The following GRB14 variants were observed in gnomAD, a reference collection of about 807,000 sequenced individuals.
GRB14 encodes the protein growth factor receptor-bound protein 14.
A neutral mutation model predicts 69.1 loss-of-function variants in GRB14; 38 were observed. The ratio of observed to expected loss-of-function variants is 0.55; its 90% CI spans 0.42 to 0.72. The LOEUF (loss-of-function observed/expected upper bound fraction) is 0.72. Among genes scored for constraint, GRB14 ranks in the 30% least tolerant of loss-of-function variants. The pLI, the probability that GRB14 is intolerant of heterozygous loss-of-function variation, is 0.00. For missense variants in GRB14, 666 were observed against 666.1 expected (o/e 1.00, Z 0.00); for synonymous variants, 247 against 241.3 (o/e 1.02, Z -0.22).
At chr2:164,573,319 G>A (rs1425736466) in intron 2 of GRB14, among the ~76,000 whole-genome samples, 17 of 152,076 alleles carry the variant, frequency 1.1e-4, no homozygotes, top group Admixed American at 1.0e-3. Flanking sequence ...TAGTCACTCC[G>A]GTTACATAGT....
chr2:164,541,872 A>G (rs1688248326), intron 3 of GRB14, among the ~76,000 whole-genome samples: 1 of 152,008 alleles, frequency 6.6e-6, no homozygotes, highest in African/African-American at 2.4e-5. Flanking sequence ...TTCCTCCCCT[A>G]GTAGCCCCCA....
At chr2:164,586,195 T>C (rs575056105) in intron 2 of GRB14, among the ~76,000 whole-genome samples, 2 of 152,280 alleles carry the variant, frequency 1.3e-5, no homozygotes, top group Admixed American at 1.3e-4. Context: ...GGAAAGAGCA[T>C]GGGATAGATC....
intron 2 of GRB14, among the ~76,000 whole-genome samples, chr2:164,561,604 T>C (rs571649360): frequency 6.6e-6 from 1 of 152,278 alleles, no homozygotes; most frequent in East Asian, 1.9e-4. Flanking sequence ...ATGCAGTACA[T>C]GTGCCCAGGC....
intron 2 of GRB14, among the ~76,000 whole-genome samples, chr2:164,548,823 AC>A (rs1321198995): frequency 1.3e-5 from 2 of 151,952 alleles, no homozygotes; most frequent in African/African-American, 4.8e-5. Flanking sequence ...GATGTTGACC[AC>A]CTTTTCATAT....
intron 2 of GRB14, chr2:164,568,389 T>A: frequency 1.6e-6 from 2 of 1,286,482 alleles, no homozygotes; most frequent in Non-Finnish European, 2.0e-6. Flanking sequence ...CCTGCTCTTC[T>A]TAGAATGATC....
chr2:164,521,530 T>C (rs1316689187), intron 6 of GRB14, among the ~76,000 whole-genome samples: 1 of 152,064 alleles, frequency 6.6e-6, no homozygotes, highest in East Asian at 1.9e-4. Context: ...CATCAATCAA[T>C]AATAAAAGAG....
At chr2:164,598,476 GTTAAA>G (rs1200678091) in intron 2 of GRB14, among the ~76,000 whole-genome samples, 6 of 152,120 alleles carry the variant, frequency 3.9e-5, no homozygotes, top group Non-Finnish European at 2.9e-5. Flanking sequence ...ATATTTGAAT[GTTAAA>G]TTAAATGTAC....
At chr2:164,610,952 T>C (rs1003069740) in intron 2 of GRB14, among the ~76,000 whole-genome samples, 1 of 146,130 alleles carries the variant, frequency 6.8e-6, no homozygotes, top group Non-Finnish European at 1.5e-5. Flanking sequence ...GACCTTATAC[T>C]GAAATCTAGA....
intron 2 of GRB14, among the ~76,000 whole-genome samples, chr2:164,602,334 A>G (rs1418436325): frequency 6.6e-6 from 1 of 152,198 alleles, no homozygotes; most frequent in Non-Finnish European, 1.5e-5. Flanking sequence ...CTATGAACAT[A>G]TAAGGAAATG....
At chr2:164,500,831 G>A (rs1687030464) in intron 9 of GRB14, among the ~76,000 whole-genome samples, 1 of 152,046 alleles carries the variant, frequency 6.6e-6, no homozygotes. Context: ...ATCAATAGCA[G>A]CATCACCTTC....
At chr2:164,608,369 T>TA (rs567652340) in intron 2 of GRB14, among the ~76,000 whole-genome samples, 1,897 of 148,868 alleles carry the variant, frequency 0.013, 19 homozygotes, top group Middle Eastern at 0.034. Context: ...AGACTCCCTC[T>TA]AAAAAAAAAG....
chr2:164,615,092 T>C (rs1443395554), intron 2 of GRB14, among the ~76,000 whole-genome samples: 1 of 152,200 alleles, frequency 6.6e-6, no homozygotes, highest in Non-Finnish European at 1.5e-5. Flanking sequence ...GATACTCTTT[T>C]TGATCTCCCT....
In GRB14 at chr2:164,605,891, C is replaced by A. The variant is rs376777031; in HGVS notation, c.324+13796G>T. ...CAACCCTCATGAGAGTCACAAGGAG[C>A]CACTTCCCACAGAAATGAAAACTAC... On this transcript the variant is annotated intron_variant, in intron 2 of 13. Transcript: ENST00000263915. 2.5e-3 allele frequency among the ~76,000 whole-genome samples: 378 copies of A among 152,182 alleles called. 3 individuals carry two copies. Among genetic ancestry groups the A allele is most frequent in the Middle Eastern group, 0.017 (5 of 294 alleles).
At chr2:164,505,361 A>T (rs1687162155) in intron 8 of GRB14, among the ~76,000 whole-genome samples, 2 of 152,224 alleles carry the variant, frequency 1.3e-5, no homozygotes, top group African/African-American at 4.8e-5. Flanking sequence ...GAAATTTAAC[A>T]TCTATAAATT....
chr2:164,580,975 T>C (rs1022865732), intron 2 of GRB14, among the ~76,000 whole-genome samples: 2 of 152,188 alleles, frequency 1.3e-5, no homozygotes, highest in African/African-American at 4.8e-5. Context: ...AGTGAAAACA[T>C]GCTCTAGTTG....
At chr2:164,494,113 C>T (rs1686830798) in intron 13 of GRB14, among the ~76,000 whole-genome samples, 1 of 152,026 alleles carries the variant, frequency 6.6e-6, no homozygotes, top group African/African-American at 2.4e-5. Context: ...TCTAAAGAGC[C>T]GTTAGTGGAA....
intron 6 of GRB14, among the ~76,000 whole-genome samples, chr2:164,514,139 C>T (rs766688265): frequency 3.1e-4 from 47 of 152,134 alleles, no homozygotes; most frequent in Non-Finnish European, 5.6e-4. Context: ...TAGGAATTTA[C>T]AATGTATGTA....
intron 2 of GRB14, among the ~76,000 whole-genome samples, chr2:164,592,612 C>T (rs899586715): frequency 2.6e-5 from 4 of 152,156 alleles, no homozygotes; most frequent in African/African-American, 9.7e-5. Context: ...TTCATATGGC[C>T]TTCCTCTTCA....
intron 2 of GRB14, among the ~76,000 whole-genome samples, chr2:164,579,219 T>C (rs1159888362): frequency 6.6e-6 from 1 of 152,104 alleles, no homozygotes; most frequent in Non-Finnish European, 1.5e-5. Flanking sequence ...GGCTAAATGA[T>C]AAAATACATA....
Sources: allele counts gnomAD v4.1 joint callset (sites outside exome capture counted in the v4.1 genomes callset), GRCh38; gene constraint gnomAD v4.1.1; transcripts MANE v1.5; gene names NCBI Gene and HGNC (gene_info 2026-07-23, HGNC 2026-07-21).